Variants in YPEL2 observed in about 807,000 individuals in gnomAD.
YPEL2 encodes yippee like 2.
Under a neutral mutation model 19.1 loss-of-function variants are expected in YPEL2, and 2 were observed. The observed-to-expected ratio is 0.10, with a 90% CI of 0.04 to 0.33. The LOEUF (loss-of-function observed/expected upper bound fraction) is 0.33. YPEL2 is among the 10% of genes least tolerant of loss of function. The probability of loss-of-function intolerance (pLI) is 1.00; values close to 1 mark genes in which losing one functional copy is unlikely to be tolerated. For missense variants in YPEL2, 66 were observed against 140.7 expected (o/e 0.47, Z 2.68); for synonymous variants, 52 against 50.0 (o/e 1.04, Z -0.17).
At chr17:59,386,114 G>C (rs958748144) in intron 2 of YPEL2, among the ~76,000 whole-genome samples, 18 of 152,120 alleles carry the variant, frequency 1.2e-4, no homozygotes, top group African/African-American at 4.3e-4. Flanking sequence ...TTTAAGCCTA[G>C]GAGTTCAAGA....
At chr17:59,368,948 C>T (rs562441737) in intron 2 of YPEL2, among the ~76,000 whole-genome samples, 1 of 152,208 alleles carries the variant, frequency 6.6e-6, no homozygotes, top group African/African-American at 2.4e-5. Context: ...AATAGTCAGG[C>T]TGGGTCCCTC....
At chr17:59,346,022 G>A (rs558401284) in intron 1 of YPEL2, among the ~76,000 whole-genome samples, 3 of 152,250 alleles carry the variant, frequency 2.0e-5, no homozygotes, top group South Asian at 2.1e-4. Flanking sequence ...CTCATTGGGC[G>A]GGCACAGGTC....
At chr17:59,389,784 T>C (rs2047998646) in intron 4 of YPEL2, among the ~76,000 whole-genome samples, 1 of 151,996 alleles carries the variant, frequency 6.6e-6, no homozygotes, top group Non-Finnish European at 1.5e-5. Context: ...GATGCTATCT[T>C]CACCTCTATT....
intron 4 of YPEL2, among the ~76,000 whole-genome samples, chr17:59,389,937 GT>G (rs2047999362): frequency 6.6e-6 from 1 of 152,078 alleles, no homozygotes; most frequent in Admixed American, 6.6e-5. Context: ...CTCAAAGGAC[GT>G]GACCATGTAG....
At chr17:59,375,008 C>T (rs1328208226) in intron 2 of YPEL2, among the ~76,000 whole-genome samples, 1 of 152,176 alleles carries the variant, frequency 6.6e-6, no homozygotes, top group South Asian at 2.1e-4. Flanking sequence ...ATGGAGGAAT[C>T]AGGAAGCTCT....
chr17:59,346,695 T>C (rs1014134273), intron 1 of YPEL2, among the ~76,000 whole-genome samples: 1 of 152,144 alleles, frequency 6.6e-6, no homozygotes, highest in African/African-American at 2.4e-5. Context: ...TCTTGGAGCC[T>C]ACCTCTAGTA....
At chr17:59,383,316 A>G (rs564043575) in intron 2 of YPEL2, among the ~76,000 whole-genome samples, 65 of 151,866 alleles carry the variant, frequency 4.3e-4, no homozygotes, top group African/African-American at 1.5e-3. Context: ...TACATAGTCT[A>G]GGCCGGGCGT....
chr17:59,380,482 C>T (rs563643485), intron 2 of YPEL2, among the ~76,000 whole-genome samples: 30 of 152,252 alleles, frequency 2.0e-4, no homozygotes, highest in African/African-American at 7.2e-4. Flanking sequence ...GTTGGCCAGG[C>T]TGGTCTCGAA....
At chr17:59,375,539 G>A (rs1397162624) in intron 2 of YPEL2, among the ~76,000 whole-genome samples, 3 of 152,068 alleles carry the variant, frequency 2.0e-5, no homozygotes, top group South Asian at 2.1e-4. Context: ...GTGTTCCCTC[G>A]GTGGTCCTCA....
intron 2 of YPEL2, among the ~76,000 whole-genome samples, chr17:59,387,993 G>A (rs1049116090): frequency 1.3e-5 from 2 of 152,184 alleles, no homozygotes; most frequent in African/African-American, 4.8e-5. Context: ...ACCAGGAAAC[G>A]CCAATGCGGA....
chr17:59,369,588 A>T (rs902756556), intron 2 of YPEL2, among the ~76,000 whole-genome samples: 2 of 152,186 alleles, frequency 1.3e-5, no homozygotes, highest in Non-Finnish European at 2.9e-5. Context: ...GGCTCGCCTG[A>T]CCCTAGTCCC....
rs1598057656 is a variant in YPEL2, at chr17:59,397,242, C to A, written c.*52C>A. 1 of 1,418,196 alleles carries A rather than the reference C, an allele frequency of 7.1e-7. No individual in the cohort carries two copies. The highest frequency in any genetic ancestry group is 1.3e-5 in the South Asian group (1 of 74,186). 87.9% of individuals were successfully genotyped at this position (1,418,196 alleles called of 1,614,324 possible). ...TCCACGTGAACGCCATTCAACCGAA[C>A]ATTCTTCCCAAGCGTGAGAGAGTGA... On this transcript the variant is annotated 3_prime_UTR_variant, in exon 5 of 5. Coordinates refer to ENST00000312655, the MANE Select transcript of YPEL2 (RefSeq NM_001005404.4).
chr17:59,336,547 G>A (rs565314179), intron 1 of YPEL2, among the ~76,000 whole-genome samples: 10 of 152,302 alleles, frequency 6.6e-5, no homozygotes, highest in East Asian at 1.9e-4. Flanking sequence ...CTAAATCTTT[G>A]TTCCTTATTT....
intron 1 of YPEL2, among the ~76,000 whole-genome samples, chr17:59,332,123 C>T (rs2047673833): frequency 6.6e-6 from 1 of 152,008 alleles, no homozygotes; most frequent in Non-Finnish European, 1.5e-5. Flanking sequence ...AGGGGCTGGG[C>T]GAGTCTGCGG....
At chr17:59,334,846 A>G (rs1490985416) in intron 1 of YPEL2, among the ~76,000 whole-genome samples, 1 of 152,170 alleles carries the variant, frequency 6.6e-6, no homozygotes, top group African/African-American at 2.4e-5. Flanking sequence ...CACATTCAGA[A>G]TGTTTAGTTT....
intron 2 of YPEL2, among the ~76,000 whole-genome samples, chr17:59,377,007 A>G (rs1025378731): frequency 2.0e-5 from 3 of 151,204 alleles, no homozygotes; most frequent in Non-Finnish European, 4.4e-5. Context: ...AAATATTTTG[A>G]AAGCAATCCC....
rs189686453 is a variant in YPEL2, at chr17:59,341,274, C to T, written c.-196+9450C>T. On this transcript the variant is annotated intron_variant, in intron 1 of 4. Transcript: ENST00000312655. The stretch of plus-strand genomic sequence containing the variant: ...AGGCGTGGTGGCTGGTGCCTGTAGT[C>T]CCAGCTACTCGGGAGGCTGAGGCAG... 9.9e-3 allele frequency among the ~76,000 whole-genome samples: 1,502 copies of T among 152,182 alleles called. 10 individuals are homozygous for T. Among genetic ancestry groups the T allele is most frequent in the Non-Finnish European group, 0.015 (1,007 of 67,996 alleles).
At chr17:59,357,157 AT>A in intron 2 of YPEL2, among the ~76,000 whole-genome samples, 1 of 152,202 alleles carries the variant, frequency 6.6e-6, no homozygotes, top group South Asian at 2.1e-4. Context: ...ACAAACCTTT[AT>A]GTAAATATAA....
At chr17:59,379,856 T>TTTTTGTCTTGTTTTGTTTTGTTTTG (rs2047939801) in intron 2 of YPEL2, among the ~76,000 whole-genome samples, 1 of 149,220 alleles carries the variant, frequency 6.7e-6, no homozygotes, top group South Asian at 2.1e-4. Flanking sequence ...AAGTTTGGGG[T>TTTTTGTCTTGTTTTGTTTTGTTTTG]TTTTGTTTTG....
Sources: gnomAD v4.1 joint callset for allele counts (sites outside exome capture counted in the v4.1 genomes callset) on GRCh38, gnomAD v4.1.1 for gene constraint, MANE v1.5 for transcripts, NCBI Gene and HGNC (gene_info 2026-07-23, HGNC 2026-07-21) for gene names.